The following DRC8 variants were observed in gnomAD, a reference collection of about 807,000 sequenced individuals.
DRC8 encodes dynein regulatory complex subunit 8.
chr1:245,124,491 A>G, the DRC8 span: 2 of 152,140 alleles, frequency 1.3e-5, no homozygotes, highest in Non-Finnish European at 2.9e-5. Context: ...TCTGGACAGA[A>G]ATATAGTTGT....
At chr1:245,093,553 C>G in the DRC8 span, among the ~76,000 whole-genome samples, 488 of 151,806 alleles carry the variant, frequency 3.2e-3, 1 homozygote, top group African/African-American at 0.011. Flanking sequence ...CAAAAATTAG[C>G]CAGGCGTGGT....
chr1:245,112,491 T>G, the DRC8 span, among the ~76,000 whole-genome samples: 1 of 152,188 alleles, frequency 6.6e-6, no homozygotes, highest in Non-Finnish European at 1.5e-5. Flanking sequence ...TATTGAAAAT[T>G]TTACTATATA....
chr1:245,021,817 A>G, the DRC8 span, among the ~76,000 whole-genome samples: 1 of 152,136 alleles, frequency 6.6e-6, no homozygotes, highest in Non-Finnish European at 1.5e-5. Flanking sequence ...GCTGTATGTA[A>G]CAAAACTCTC....
At chr1:245,106,810 T>C in the DRC8 span, among the ~76,000 whole-genome samples, 4 of 152,198 alleles carry the variant, frequency 2.6e-5, no homozygotes, top group African/African-American at 9.6e-5. Context: ...TTTGGGAGGC[T>C]GAGGCTGACG....
chr1:244,997,268 G>A, the DRC8 span, among the ~76,000 whole-genome samples: 7 of 151,644 alleles, frequency 4.6e-5, no homozygotes, highest in South Asian at 4.2e-4. Flanking sequence ...CCTTTGGAGC[G>A]TCAGACTTAC....
the DRC8 span, among the ~76,000 whole-genome samples, chr1:245,000,388 C>T: frequency 1.3e-5 from 2 of 152,266 alleles, no homozygotes; most frequent in African/African-American, 2.4e-5. Context: ...ATTTGGACCA[C>T]GGTTGAGTGT....
chr1:245,076,680 A>G, the DRC8 span, among the ~76,000 whole-genome samples: 2 of 151,936 alleles, frequency 1.3e-5, no homozygotes, highest in Non-Finnish European at 2.9e-5. Flanking sequence ...ATAGGTCCCA[A>G]TTGCACCATT....
the DRC8 span, among the ~76,000 whole-genome samples, chr1:245,059,039 C>A: frequency 6.6e-6 from 1 of 152,206 alleles, no homozygotes; most frequent in Admixed American, 6.5e-5. Flanking sequence ...CAAAACTCTG[C>A]GGTAGACATT....
the DRC8 span, chr1:245,083,447 G>A: frequency 1.2e-6 from 2 of 1,613,558 alleles, no homozygotes; most frequent in African/African-American, 2.7e-5. Flanking sequence ...TATAGATACA[G>A]ACCAATTCCA....
At chr1:245,061,761 A>G in the DRC8 span, among the ~76,000 whole-genome samples, 2 of 152,198 alleles carry the variant, frequency 1.3e-5, no homozygotes, top group African/African-American at 4.8e-5. Context: ...AATGTTCTAT[A>G]ATAGTTTCAG....
At chr1:245,017,290 T>C in the DRC8 span, 8 of 1,609,938 alleles carry the variant, frequency 5.0e-6, no homozygotes, top group East Asian at 1.3e-4. Context: ...GCATTTGAAG[T>C]CTTTGACCAT....
chr1:245,089,719 C>T, the DRC8 span, among the ~76,000 whole-genome samples: 4 of 151,920 alleles, frequency 2.6e-5, no homozygotes, highest in Non-Finnish European at 4.4e-5. The surrounding 1 kb of genome is among the most constrained non-coding windows in gnomAD (Gnocchi z 4.8). Flanking sequence ...ACAAGTTATT[C>T]GGCAGTGAAG....
the DRC8 span, among the ~76,000 whole-genome samples, chr1:244,975,124 G>A: frequency 9.2e-5 from 14 of 152,048 alleles, no homozygotes; most frequent in Non-Finnish European, 1.9e-4. Context: ...TAGTGATGGG[G>A]TTTCACCGTA....
At chr1:245,096,448 A>C in the DRC8 span, among the ~76,000 whole-genome samples, 2 of 152,250 alleles carry the variant, frequency 1.3e-5, no homozygotes, top group Non-Finnish European at 2.9e-5. Flanking sequence ...TTCAGTCAGC[A>C]TTCATTGGAT....
At chr1:245,052,592 C>T in the DRC8 span, among the ~76,000 whole-genome samples, 3 of 152,342 alleles carry the variant, frequency 2.0e-5, no homozygotes, top group Middle Eastern at 3.4e-3. Flanking sequence ...GTGTTGACTG[C>T]GCACAGCAGG....
chr1:245,034,319 G>A, the DRC8 span, among the ~76,000 whole-genome samples: 45 of 152,080 alleles, frequency 3.0e-4, no homozygotes, highest in Non-Finnish European at 4.4e-5. Flanking sequence ...AGAAATGACA[G>A]GATGGGCGCA....
chr1:244,983,247 C>T, the DRC8 span, among the ~76,000 whole-genome samples: 2 of 152,040 alleles, frequency 1.3e-5, no homozygotes, highest in Non-Finnish European at 2.9e-5. Context: ...AGTGTATTTC[C>T]TTCTAGGTTT....
the DRC8 span, chr1:244,970,321 T>TCCTTC: frequency 1.5e-6 from 2 of 1,308,426 alleles, no homozygotes; most frequent in Admixed American, 2.1e-5. Flanking sequence ...GAGCGGCCCC[T>TCCTTC]CCTCCAGGCC....
At chr1:245,103,700 A>G in the DRC8 span, among the ~76,000 whole-genome samples, 1 of 152,152 alleles carries the variant, frequency 6.6e-6, no homozygotes, top group East Asian at 1.9e-4. Context: ...GACGAGGATC[A>G]GAGGTGGTCC....
Sources: gnomAD v4.1 joint callset for allele counts (sites outside exome capture counted in the v4.1 genomes callset) on GRCh38, gnomAD v4.1.1 for gene constraint, Gnocchi (gnomAD v3.1) non-coding constraint, MANE v1.5 for transcripts, NCBI Gene and HGNC (gene_info 2026-07-23, HGNC 2026-07-21) for gene names.